N4BP2L2: variants seen among roughly 807,000 people sequenced by gnomAD.
N4BP2L2 encodes NEDD4 binding protein 2 like 2.
Under a neutral mutation model 56.2 loss-of-function variants are expected in N4BP2L2, and 50 were observed. That is an observed-to-expected ratio of 0.89 (90% confidence interval 0.71 to 1.13). The LOEUF (loss-of-function observed/expected upper bound fraction) is 1.13, where lower values mean the gene tolerates loss of function less well. N4BP2L2 is among the 50% of genes most tolerant of loss of function. The pLI, the probability that N4BP2L2 is intolerant of heterozygous loss-of-function variation, is 0.00. For missense variants in N4BP2L2, 689 were observed against 693.8 expected (o/e 0.99, Z 0.08); for synonymous variants, 203 against 223.6 (o/e 0.91, Z 0.82).
chr13:32,506,323 A>G (rs1431229079), downstream of N4BP2L2: 2 of 152,178 alleles, frequency 1.3e-5, no homozygotes. Flanking sequence ...ATCTCCAAAT[A>G]CAGTTACATT....
exon 6 of N4BP2L2, chr13:32,513,159 T>G (rs1341030394): frequency 1.3e-5 from 2 of 152,236 alleles, no homozygotes; most frequent in Non-Finnish European, 2.9e-5. Context: ...AGCCATTCTT[T>G]TACATGTTTT....
At chr13:32,473,096 C>T (rs2082626302) in intron 6 of N4BP2L2, among the ~76,000 whole-genome samples, 2 of 152,036 alleles carry the variant, frequency 1.3e-5, no homozygotes. Flanking sequence ...GCCTGGCCAA[C>T]ATAGTGAAAC....
intron 9 of N4BP2L2, among the ~76,000 whole-genome samples, chr13:32,433,623 AAATAAT>A (rs954730760): frequency 2.0e-5 from 3 of 151,264 alleles, no homozygotes; most frequent in African/African-American, 7.3e-5. Context: ...TTCCATCTCA[AAATAAT>A]AATAATAATA....
At chr13:32,475,178 T>C (rs1344276063) in intron 6 of N4BP2L2, among the ~76,000 whole-genome samples, 3 of 152,156 alleles carry the variant, frequency 2.0e-5, no homozygotes, top group African/African-American at 4.8e-5. Flanking sequence ...CAAATGTAGA[T>C]TAAAAAGAAA....
chr13:32,456,473 C>G (rs1239583063), intron 6 of N4BP2L2, among the ~76,000 whole-genome samples: 2 of 152,064 alleles, frequency 1.3e-5, no homozygotes, highest in Non-Finnish European at 2.9e-5. Context: ...CATGAAAACA[C>G]AAGGAAATAT....
At chr13:32,441,851 G>A (rs958094709) in intron 7 of N4BP2L2, among the ~76,000 whole-genome samples, 12 of 149,682 alleles carry the variant, frequency 8.0e-5, no homozygotes, top group African/African-American at 2.4e-4. Context: ...AGACCATCCT[G>A]GCTAACATGG....
rs571067532 is a variant in N4BP2L2, at chr13:32,487,859, TATTTG to T, written c.365+29993_365+29997del. 3.6e-3 allele frequency among the ~76,000 whole-genome samples: 487 copies of T among 134,882 alleles called. 3 individuals are homozygous for T. Among genetic ancestry groups the T allele is most frequent in the African/African-American group, 0.013 (474 of 35,888 alleles). The allele number at this position is 134,882 out of a possible 152,430, so 88.5% of individuals were successfully genotyped here. On this transcript the variant is annotated intron_variant, in intron 6 of 9. Transcript: ENST00000357505. ...TATGCTTACTATATTAACTAAAATT[TATTTG>T]ATTTTTTTTTTTGACGGAGTTTTCG...
At chr13:32,440,630 T>C (rs1377832470) in intron 7 of N4BP2L2, among the ~76,000 whole-genome samples, 1 of 151,798 alleles carries the variant, frequency 6.6e-6, no homozygotes, top group African/African-American at 2.4e-5. Flanking sequence ...TCCTGGCTAA[T>C]TTTTGTATTT....
At chr13:32,469,568 C>A (rs1490234431) in intron 6 of N4BP2L2, among the ~76,000 whole-genome samples, 1 of 152,180 alleles carries the variant, frequency 6.6e-6, no homozygotes, top group Non-Finnish European at 1.5e-5. Context: ...CAAAGGTAGG[C>A]CTAGGGACCC....
In N4BP2L2 at chr13:32,522,382, T is replaced by C. The variant is rs45607036; in HGVS notation, c.1385-112A>G. Reference sequence around the variant, plus strand: ...ACGTCTCTGTACTTAAAACCAAAACTGTGCAATCTCTTCAGTCAGTATCAT... The same window carrying C: ...ACGTCTCTGTACTTAAAACCAAAACCGTGCAATCTCTTCAGTCAGTATCAT... On this transcript the variant is annotated intron_variant, in intron 3 of 5. Coordinates refer to ENST00000267068, the Ensembl canonical transcript of N4BP2L2. The C allele has an allele frequency of 7.1e-4, 416 of 586,918 alleles. 2 individuals carry two copies. The highest frequency in any genetic ancestry group is 1.0e-3 in the South Asian group (34 of 32,724). 36.4% of individuals were successfully genotyped at this position (586,918 alleles called of 1,614,324 possible). A position where few individuals can be genotyped will look rare whatever the true frequency, so the allele number is the denominator to read the frequency against.
exon 10 of N4BP2L2, chr13:32,432,849 C>G (rs2075000789): frequency 6.6e-6 from 1 of 152,128 alleles, no homozygotes; most frequent in African/African-American, 2.4e-5. Context: ...AACAGATTAT[C>G]CAAACTAATT....
At chr13:32,440,930 G>A (rs369111489) in intron 7 of N4BP2L2, among the ~76,000 whole-genome samples, 4,008 of 136,018 alleles carry the variant, frequency 0.029, 78 homozygotes, top group Non-Finnish European at 0.042. Flanking sequence ...GGCTCACTGC[G>A]ACCTCTGCCT....
chr13:32,500,569 A>AAAAAAAAAAT (rs1555265131), intron 6 of N4BP2L2, among the ~76,000 whole-genome samples: 2 of 134,624 alleles, frequency 1.5e-5, no homozygotes, highest in Non-Finnish European at 1.6e-5. Context: ...AAAAAAAAAA[A>AAAAAAAAAAT]TAGCCAGGCA....
intron 2 of N4BP2L2, among the ~76,000 whole-genome samples, chr13:32,528,403 T>TA (rs1254605732): frequency 2.0e-5 from 3 of 152,176 alleles, no homozygotes; most frequent in African/African-American, 7.2e-5. Context: ...TTTAAGAACT[T>TA]AAGTCGTTAA....
downstream of N4BP2L2, among the ~76,000 whole-genome samples, chr13:32,509,672 G>C (rs2139731206): frequency 6.6e-6 from 1 of 152,136 alleles, no homozygotes; most frequent in South Asian, 2.1e-4. Flanking sequence ...TGTCTTAACT[G>C]CATCTCTGCC....
chr13:32,456,835 G>A (rs1327979288), intron 6 of N4BP2L2, among the ~76,000 whole-genome samples: 1 of 152,138 alleles, frequency 6.6e-6, no homozygotes, highest in Non-Finnish European at 1.5e-5. Context: ...GTCAGACAAA[G>A]TTAAAAAATA....
chr13:32,536,563 T>A (rs1566198790), exon 2 of N4BP2L2: 1 of 1,613,970 alleles, frequency 6.2e-7, no homozygotes, highest in Non-Finnish European at 8.5e-7. Context: ...GTTTCTCTTT[T>A]TGTCCTCCTC....
At chr13:32,477,794 G>T in intron 6 of N4BP2L2, 1 of 1,096,646 alleles carries the variant, frequency 9.1e-7, no homozygotes, top group Non-Finnish European at 1.2e-6. Context: ...GTCTTGTTAA[G>T]AGGTATACAG....
intron 7 of N4BP2L2, among the ~76,000 whole-genome samples, chr13:32,442,154 C>T (rs1036920117): frequency 6.6e-6 from 1 of 152,084 alleles, no homozygotes; most frequent in Non-Finnish European, 1.5e-5. Flanking sequence ...AAATTGAGAG[C>T]CCAAGTATTC....
Sources: gnomAD v4.1 joint callset for allele counts (sites outside exome capture counted in the v4.1 genomes callset) on GRCh38, gnomAD v4.1.1 for gene constraint, MANE v1.5 for transcripts, NCBI Gene and HGNC (gene_info 2026-07-23, HGNC 2026-07-21) for gene names.